DMD: variants seen among roughly 807,000 people sequenced by gnomAD.
DMD encodes dystrophin.
Under a neutral mutation model 330.1 loss-of-function variants are expected in DMD, and 63 were observed. That is an observed-to-expected ratio of 0.19 (90% CI 0.16 to 0.24). DMD has a LOEUF of 0.24. Ranked by LOEUF, DMD falls within the 10% of genes least tolerant of loss-of-function variation. The pLI is 1.00. For missense variants in DMD, 3,344 were observed against 2,684.1 expected (o/e 1.25, Z -5.43); for synonymous variants, 1,223 against 959.8 (o/e 1.27, Z -5.07).
chrX:32,579,624 A>C (rs2053438718), intron 13 of DMD, among the ~76,000 whole-genome samples: 1 of 112,883 alleles, frequency 8.9e-6, no homozygotes, highest in African/African-American at 3.2e-5. Context: ...GTTTGACTAG[A>C]TTTAACATTT....
rs939491009 is a variant in DMD at position 32,699,140 on chromosome X, A to G, written c.803T>C (p.Leu268Ser). The change falls in exon 8 of 79, where the codon TTA becomes TCA. Residue 268 changes from leucine to serine, a missense_variant. By Grantham distance (145) the Leu-to-Ser change is moderately radical. Coordinates refer to ENST00000357033, the MANE Select transcript of DMD (RefSeq NM_004006.3). ...PKVTKEEHFQLHHQMHYSQQI... is the reference protein window; with the variant it reads ...PKVTKEEHFQSHHQMHYSQQI... ...TTGAGAATAGTGCATTTGATGATGTAACTGAAAATGTTCTTCTTTAGTCAC... is the reference window on the plus strand; with the variant it reads ...TTGAGAATAGTGCATTTGATGATGTGACTGAAAATGTTCTTCTTTAGTCAC... The G allele has an allele frequency of 4.1e-6, 5 of 1,210,536 alleles. No homozygotes were observed. The African/African-American group carries it at 6.9e-5, about 17-fold the overall frequency.
intron 9 of DMD, among the ~76,000 whole-genome samples, chrX:32,682,207 G>A (rs767595177): frequency 9.0e-5 from 10 of 111,719 alleles, no homozygotes; most frequent in Non-Finnish European, 1.9e-4. Flanking sequence ...GGCCATATAT[G>A]TTCCCCATGC....
At chrX:32,873,614 A>G (rs1295514437) in intron 2 of DMD, among the ~76,000 whole-genome samples, 1 of 111,648 alleles carries the variant, frequency 9.0e-6, no homozygotes, top group Non-Finnish European at 1.9e-5. Context: ...CTCTAAGGAT[A>G]CTCTCAGCAC....
chrX:32,981,809 G>A (rs775801246), intron 2 of DMD, among the ~76,000 whole-genome samples: 2 of 110,942 alleles, frequency 1.8e-5, no homozygotes, highest in South Asian at 7.6e-4. Flanking sequence ...GTGGGGGTAT[G>A]TCAAAAGAGA....
intron 33 of DMD, among the ~76,000 whole-genome samples, chrX:32,382,689 G>C (rs2147502540): frequency 9.2e-6 from 1 of 108,722 alleles, no homozygotes; most frequent in African/African-American, 3.3e-5. Context: ...GGTGTGTGGG[G>C]GGTGAGGGAA....
intron 1 of DMD, among the ~76,000 whole-genome samples, chrX:33,112,713 T>G (rs1002470487): frequency 3.6e-5 from 4 of 111,226 alleles, no homozygotes; most frequent in Non-Finnish European, 5.7e-5. Flanking sequence ...TGGCTCTTCC[T>G]CATAAGATAT....
At chrX:33,205,750 A>G (rs2051532514) in intron 1 of DMD, among the ~76,000 whole-genome samples, 1 of 111,825 alleles carries the variant, frequency 8.9e-6, no homozygotes, top group South Asian at 3.7e-4. Flanking sequence ...GGGACACCGT[A>G]ATGGTAATTG....
At chrX:31,272,272 C>A (rs780377060) in intron 62 of DMD, among the ~76,000 whole-genome samples, 1 of 112,321 alleles carries the variant, frequency 8.9e-6, no homozygotes, top group East Asian at 2.8e-4. Context: ...ACTTCATTAA[C>A]CTCACAGGCC....
chrX:33,323,088 T>C lies in DMD; in HGVS notation c.7+16171A>G, dbSNP rs187137022. Among the ~76,000 whole-genome samples the C allele has an allele frequency of 8.0e-5, 9 of 111,984 alleles. No homozygotes were observed. In the East Asian group the frequency reaches 2.5e-3, roughly 32 times the overall value. Reference sequence around the variant, plus strand: ...GCACATGTTTGACTATGAATTAGACTTCTTCTTTTTAAAACAAAGGTATTA... The same window carrying C: ...GCACATGTTTGACTATGAATTAGACCTCTTCTTTTTAAAACAAAGGTATTA... On this transcript the variant is annotated intron_variant, in intron 1 of 17. Coordinates refer to the DMD transcript ENST00000288447.
At chrX:32,795,490 G>A (rs2076118069) in intron 7 of DMD, among the ~76,000 whole-genome samples, 1 of 111,874 alleles carries the variant, frequency 8.9e-6, no homozygotes, top group Admixed American at 9.5e-5. Flanking sequence ...GGATTTAAAG[G>A]TAAGACCTAA....
At chrX:32,960,484 G>A (rs752670883) in intron 2 of DMD, 1 of 112,088 alleles carries the variant, frequency 8.9e-6, no homozygotes, top group Non-Finnish European at 1.9e-5. Context: ...GTCAAAACCC[G>A]AAGACAGTGA....
rs1202505082 is a variant in DMD, at chrX:32,396,566, G to A, written c.4234-6385C>T. On this transcript the variant is annotated intron_variant, in intron 30 of 78. Transcript: ENST00000357033. The stretch of plus-strand genomic sequence containing the variant: ...CTCAGAATATTTATTAATATATATT[G>A]TGTATATCCAAGAATCATACAACAC... Among the ~76,000 whole-genome samples, 6 of 110,948 alleles carry A rather than the reference G, an allele frequency of 5.4e-5. 1 individual carries two copies. The highest frequency in any genetic ancestry group is 4.8e-4 in the Admixed American group (5 of 10,407).
rs897946837 is a variant in DMD, at chrX:31,444,646, A to G, written c.8938-19T>C. The G allele has an allele frequency of 8.3e-7, 1 of 1,209,692 alleles. No homozygotes were observed. Among genetic ancestry groups the G allele is most frequent in the African/African-American group, 1.7e-5 (1 of 57,739 alleles). On this transcript the variant is annotated intron_variant, in intron 59 of 78. Transcript: ENST00000357033. ...GAAGTGCCTGTGTGCAATAGTCAAA[A>G]GCAAATTGGAAGATGAGAATATTTA...
rs1363670418 is a variant in DMD at position 32,085,219 on chromosome X, T to TAC, written c.6439-116707_6439-116706dup. Among the ~76,000 whole-genome samples, 6 of 111,370 alleles carry TAC rather than the reference T, an allele frequency of 5.4e-5. 1 individual carries two copies. The highest frequency in any genetic ancestry group is 3.8e-5 in the Non-Finnish European group (2 of 53,079). ...ATGCTTATTTTAAGTGTAAGTTATA[T>TAC]ACACACACACAAACACATATGTATA... is the stretch of plus-strand genomic sequence containing the variant. On this transcript the variant is annotated intron_variant, in intron 44 of 78. Transcript: ENST00000357033.
At chrX:31,440,220 T>A (rs1204083557) in intron 60 of DMD, among the ~76,000 whole-genome samples, 1 of 108,670 alleles carries the variant, frequency 9.2e-6, no homozygotes, top group Non-Finnish European at 1.9e-5. Flanking sequence ...TGATCTCAGC[T>A]TACTGCAACA....
intron 1 of DMD, among the ~76,000 whole-genome samples, chrX:33,128,680 G>A (rs1487360182): frequency 3.6e-5 from 4 of 111,848 alleles, no homozygotes; most frequent in African/African-American, 6.5e-5. Context: ...GCAAACTGGT[G>A]TTAGTGAAAA....
At chrX:31,792,516 TTAGTC>T (rs201205185) in intron 50 of DMD, among the ~76,000 whole-genome samples, 1,223 of 112,598 alleles carry the variant, frequency 0.011, 10 homozygotes, top group Non-Finnish European at 0.018. Flanking sequence ...TAATCTGAAT[TTAGTC>T]TAACAGAATA....
intron 23 of DMD, among the ~76,000 whole-genome samples, chrX:32,467,435 C>G (rs1603634173): frequency 9.1e-6 from 1 of 110,070 alleles, no homozygotes; most frequent in East Asian, 2.9e-4. Context: ...CAAATTAAGT[C>G]AAGGGAATTT....
At chrX:32,756,438 TC>T (rs1275264465) in intron 7 of DMD, 2 of 111,765 alleles carry the variant, frequency 1.8e-5, no homozygotes, top group Non-Finnish European at 3.8e-5. Context: ...GACAATAAAA[TC>T]GCTAAAAACC....
Sources: allele counts gnomAD v4.1 joint callset (sites outside exome capture counted in the v4.1 genomes callset), GRCh38; gene constraint gnomAD v4.1.1; transcripts MANE v1.5; gene names NCBI Gene and HGNC (gene_info 2026-07-23, HGNC 2026-07-21).